COL11A1: variants seen among roughly 807,000 people sequenced by gnomAD.
The protein encoded by COL11A1 is collagen alpha-1(XI) chain.
Under a neutral mutation model 265.2 loss-of-function variants are expected in COL11A1, and 74 were observed. The ratio of observed to expected loss-of-function variants is 0.28; its 90% CI spans 0.23 to 0.34. The LOEUF is 0.34. Ranked by LOEUF, COL11A1 falls within the 10% of genes least tolerant of loss-of-function variation. The pLI is 1.00. For synonymous variants in COL11A1, 816 were observed against 727.6 expected (o/e 1.12, Z -1.96); for missense variants, 2,165 against 2,263.6 (o/e 0.96, Z 0.88).
rs11381607 is a variant in COL11A1 at position 103,022,013 on chromosome 1, A to ATT, written c.1246-246_1246-245dup. Among the ~76,000 whole-genome samples the ATT allele has an allele frequency of 0.03, 4,217 of 139,540 alleles. 194 individuals carry two copies. The highest frequency in any genetic ancestry group is 0.09 in the African/African-American group (3,399 of 37,848). The allele number at this position is 139,540 out of a possible 152,430, so 91.5% of individuals were successfully genotyped here. ...AGGCGCCCGCCACCACACCTAGCTA[A>ATT]TTTTTTTTTTTTTTGTATTTTTAGT... On this transcript the variant is annotated intron_variant, in intron 8 of 66. Coordinates refer to ENST00000370096, the MANE Select transcript of COL11A1 (RefSeq NM_001854.4).
intron 24 of COL11A1, among the ~76,000 whole-genome samples, chr1:102,998,946 A>T (rs1032937139): frequency 1.3e-5 from 2 of 151,980 alleles, no homozygotes; most frequent in Non-Finnish European, 2.9e-5. Flanking sequence ...TCCCTGTTTA[A>T]CCACACAGAG....
At chr1:102,994,510 A>T (rs1242424402) in intron 28 of COL11A1, among the ~76,000 whole-genome samples, 3 of 152,106 alleles carry the variant, frequency 2.0e-5, no homozygotes, top group African/African-American at 7.2e-5. Context: ...CAAGAAGCAG[A>T]TGCCACTATG....
Position 103,077,123 on chromosome 1 carries a change from A to G in COL11A1, c.488+1535T>C, listed in dbSNP as rs552129989. On this transcript the variant is annotated intron_variant, in intron 3 of 66. Transcript: ENST00000370096. ...TACTACTAGGTATTAACTGTATTCA[A>G]CATATTATCAAGATAATATTTTACT... Among the ~76,000 whole-genome samples the G allele has an allele frequency of 3.3e-5, 5 of 152,284 alleles. No homozygotes were observed. The South Asian group carries it at 1.0e-3, about 32-fold the overall frequency.
At chr1:103,031,082 A>T in intron 5 of COL11A1, 34 bp downstream of exon 5, 1 of 1,612,392 alleles carries the variant, frequency 6.2e-7, no homozygotes, top group East Asian at 2.2e-5. Context: ...TATCACTGAA[A>T]TACGAAGACC....
intron 54 of COL11A1, among the ~76,000 whole-genome samples, chr1:102,908,766 T>C (rs577610523): frequency 2.8e-4 from 42 of 152,244 alleles, no homozygotes; most frequent in South Asian, 1.9e-3. Flanking sequence ...ACTTTGCAAG[T>C]AAATTATCTT....
chr1:102,902,337 C>G (rs1653317771), intron 54 of COL11A1, among the ~76,000 whole-genome samples: 1 of 151,990 alleles, frequency 6.6e-6, no homozygotes, highest in Non-Finnish European at 1.5e-5. Context: ...ATATGGAGAT[C>G]TTGATTTTTT....
At chr1:103,018,203 T>C (rs960223784) in intron 10 of COL11A1, among the ~76,000 whole-genome samples, 4 of 152,116 alleles carry the variant, frequency 2.6e-5, no homozygotes, top group African/African-American at 9.7e-5. Flanking sequence ...TCTCAAAAAT[T>C]TGATAGCCAA....
At chr1:103,086,354 A>G (rs1024974012) in intron 1 of COL11A1, among the ~76,000 whole-genome samples, 1 of 152,180 alleles carries the variant, frequency 6.6e-6, no homozygotes, top group African/African-American at 2.4e-5. Context: ...CATAATCACA[A>G]TTGGGCAGAG....
At position 103,085,007 on chromosome 1, in the gene COL11A1, T is replaced by C. The variant is rs961706887; in HGVS notation, c.107-2035A>G. On this transcript the variant is annotated intron_variant, in intron 1 of 66. Coordinates refer to ENST00000370096, the MANE Select transcript of COL11A1 (RefSeq NM_001854.4). Reference sequence around the variant, plus strand: ...TAATGAAAAATGAAATAATTATTTATCCAATTTTTGGTGAATCAGTGAATG... The same window carrying C: ...TAATGAAAAATGAAATAATTATTTACCCAATTTTTGGTGAATCAGTGAATG... Among the ~76,000 whole-genome samples, 129 of 152,338 alleles carry C rather than the reference T, an allele frequency of 8.5e-4. 1 individual carries two copies. Among genetic ancestry groups the C allele is most frequent in the African/African-American group, 2.9e-3 (121 of 41,578 alleles).
chr1:103,066,327 T>G (rs1302110931), intron 4 of COL11A1, among the ~76,000 whole-genome samples: 1 of 151,732 alleles, frequency 6.6e-6, no homozygotes, highest in Non-Finnish European at 1.5e-5. Context: ...TATATACAGG[T>G]CTAATAAGTA....
intron 48 of COL11A1, 123 bp from the exon 49 acceptor site, chr1:102,920,487 G>C (rs1655862669): frequency 5.0e-6 from 4 of 804,488 alleles, no homozygotes; most frequent in African/African-American, 3.4e-5. Context: ...GTCATTTAAA[G>C]AATGAGACTA....
chr1:102,968,330 T>C (rs1661639388), intron 37 of COL11A1, among the ~76,000 whole-genome samples: 1 of 152,174 alleles, frequency 6.6e-6, no homozygotes, highest in African/African-American at 2.4e-5. Flanking sequence ...ACTAAGCCAA[T>C]TTTAGGACCA....
At chr1:102,945,551 T>TA (rs2101384071) in intron 42 of COL11A1, among the ~76,000 whole-genome samples, 1 of 152,314 alleles carries the variant, frequency 6.6e-6, no homozygotes, top group East Asian at 1.9e-4. Context: ...GTCTTAGTGA[T>TA]AGAGGAGTAT....
chr1:102,905,842 C>A (rs998655720), intron 54 of COL11A1, among the ~76,000 whole-genome samples: 2 of 152,020 alleles, frequency 1.3e-5, no homozygotes, highest in Non-Finnish European at 2.9e-5. Flanking sequence ...TATTCTATAT[C>A]CTTTTTGTAT....
chr1:102,969,808 T>C (rs1042104362), intron 37 of COL11A1, among the ~76,000 whole-genome samples: 2 of 152,122 alleles, frequency 1.3e-5, no homozygotes, highest in African/African-American at 4.8e-5. Flanking sequence ...GATAAAAGAA[T>C]GTGGTATTAT....
intron 28 of COL11A1, among the ~76,000 whole-genome samples, chr1:102,989,965 T>G (rs1402198027): frequency 6.6e-6 from 1 of 152,066 alleles, no homozygotes; most frequent in Non-Finnish European, 1.5e-5. Flanking sequence ...GCGGGCAGAT[T>G]ATTCGAGCCC....
intron 4 of COL11A1, among the ~76,000 whole-genome samples, chr1:103,047,442 C>A (rs567074670): frequency 6.6e-6 from 1 of 152,104 alleles, no homozygotes; most frequent in Non-Finnish European, 1.5e-5. Flanking sequence ...GTGATTTTTG[C>A]ACATTGATTT....
At chr1:102,910,402 A>G (rs1654511332) in intron 54 of COL11A1, among the ~76,000 whole-genome samples, 1 of 152,110 alleles carries the variant, frequency 6.6e-6, no homozygotes. Context: ...ATATTTTAAA[A>G]TGAAACTAGA....
At chr1:102,952,827 C>A (rs922409564) in intron 41 of COL11A1, among the ~76,000 whole-genome samples, 2 of 152,096 alleles carry the variant, frequency 1.3e-5, no homozygotes, top group Non-Finnish European at 2.9e-5. Flanking sequence ...TATTCTCATG[C>A]CAACTTTAAA....
Sources: gnomAD v4.1 joint callset for allele counts (sites outside exome capture counted in the v4.1 genomes callset) on GRCh38, gnomAD v4.1.1 for gene constraint, MANE v1.5 for transcripts, NCBI Gene and HGNC (gene_info 2026-07-23, HGNC 2026-07-21) for gene names.